The following DENND1B variants were observed in gnomAD, a reference collection of about 807,000 sequenced individuals.
DENND1B encodes DENN domain containing 1B, also known as DENN domain-containing protein 1B.
DENND1B carries 59 observed loss-of-function variants against 90.1 expected under a neutral mutation model. That is an observed-to-expected ratio of 0.65 (90% confidence interval 0.53 to 0.81). The LOEUF (loss-of-function observed/expected upper bound fraction) is 0.81. Among genes scored for constraint, DENND1B ranks in the 40% least tolerant of loss-of-function variants. DENND1B has a pLI of 0.00. For missense variants in DENND1B, 862 were observed against 912.6 expected (o/e 0.94, Z 0.71); for synonymous variants, 337 against 324.6 (o/e 1.04, Z -0.41).
At chr1:197,542,914 C>CA in intron 18 of DENND1B, among the ~76,000 whole-genome samples, 1 of 123,440 alleles carries the variant, frequency 8.1e-6, no homozygotes, top group Non-Finnish European at 1.7e-5. Flanking sequence ...GAGTAGAAAC[C>CA]TTTTTTATTT....
At position 197,583,270 on chromosome 1, in the gene DENND1B, A is replaced by C; in HGVS notation, c.1048-17T>G. ...GGGCTCACCCTAGATAGAAATAAAG[A>C]TTTTAAGGGCATCAATAAAAGGTTA... On this transcript the variant is annotated splice_polypyrimidine_tract_variant and intron_variant, in intron 14 of 22. Coordinates refer to ENST00000620048, the MANE Select transcript of DENND1B (RefSeq NM_001195215.2). The C allele has an allele frequency of 6.2e-7, 1 of 1,610,444 alleles. No homozygotes were observed. Among genetic ancestry groups the C allele is most frequent in the Non-Finnish European group, 8.5e-7 (1 of 1,177,016 alleles).
At chr1:197,707,847 G>C (rs1386289485) in intron 3 of DENND1B, among the ~76,000 whole-genome samples, 297 of 147,668 alleles carry the variant, frequency 2.0e-3, no homozygotes, top group Middle Eastern at 3.5e-3. Context: ...GTGCCAGACA[G>C]TGGGCGCAGG....
chr1:197,658,198 T>TTGATGTC, intron 6 of DENND1B, 102 bp downstream of exon 6: 2 of 897,802 alleles, frequency 2.2e-6, no homozygotes, highest in Non-Finnish European at 3.6e-6. Flanking sequence ...AACATTAATG[T>TTGATGTC]ACTTAATGTC....
intron 2 of DENND1B, chr1:197,735,318 T>C (rs1662540402): frequency 8.0e-7 from 1 of 1,256,032 alleles, no homozygotes; most frequent in Non-Finnish European, 1.0e-6. Context: ...CTGCTTCAAG[T>C]GGTTTTATTT....
rs77243765 is a variant in DENND1B at position 197,539,864 on chromosome 1, T to A, written c.1515+100A>T. The A allele has an allele frequency of 6.3e-3, 6,249 of 993,978 alleles. 40 individuals are homozygous for A. The highest frequency in any genetic ancestry group is 8.2e-3 in the Non-Finnish European group (5,381 of 660,158). 61.6% of individuals were successfully genotyped at this position (993,978 alleles called of 1,614,324 possible). ...TTGACCAATACTGCAGGTTTTCATA[T>A]AAGATAAAAAATTAGTGGATCCAAA... is the stretch of plus-strand genomic sequence containing the variant. On this transcript the variant is annotated intron_variant, in intron 20 of 22. Coordinates refer to ENST00000620048, the MANE Select transcript of DENND1B (RefSeq NM_001195215.2).
intron 3 of DENND1B, among the ~76,000 whole-genome samples, chr1:197,690,975 A>G (rs1160185820): frequency 1.3e-5 from 2 of 152,038 alleles, no homozygotes; most frequent in African/African-American, 4.8e-5. Context: ...TAAAGCTCTT[A>G]GAAGAAAACA....
chr1:197,580,160 T>C (rs1447902631), intron 15 of DENND1B, among the ~76,000 whole-genome samples: 1 of 138,784 alleles, frequency 7.2e-6, no homozygotes, highest in Non-Finnish European at 1.5e-5. Flanking sequence ...TGGTGCAATC[T>C]CAGTCACTGC....
chr1:197,692,473 T>C (rs1201254173), intron 3 of DENND1B, among the ~76,000 whole-genome samples: 2 of 151,846 alleles, frequency 1.3e-5, no homozygotes, highest in African/African-American at 2.4e-5. Flanking sequence ...TCCAACCACA[T>C]GAAATTAGCA....
chr1:197,766,421 C>T (rs145456171), intron 2 of DENND1B, among the ~76,000 whole-genome samples: 2,140 of 152,304 alleles, frequency 0.014, 27 homozygotes, highest in Non-Finnish European at 0.021. Context: ...ACCTCCTAAA[C>T]TACTTTATTA....
intron 2 of DENND1B, chr1:197,747,410 A>G (rs1376800158): frequency 6.8e-6 from 3 of 442,236 alleles, no homozygotes; most frequent in Non-Finnish European, 1.3e-5. Flanking sequence ...TTCACTCAAC[A>G]TCACTTTCAT....
intron 7 of DENND1B, among the ~76,000 whole-genome samples, chr1:197,649,345 T>C (rs904492435): frequency 3.3e-5 from 5 of 152,184 alleles, no homozygotes; most frequent in African/African-American, 1.2e-4. Flanking sequence ...TGACAGTCTT[T>C]TGTAGAAATG....
At chr1:197,707,903 T>C (rs554917838) in intron 3 of DENND1B, among the ~76,000 whole-genome samples, 16 of 151,040 alleles carry the variant, frequency 1.1e-4, no homozygotes, top group African/African-American at 3.4e-4. Flanking sequence ...GGGCGAGGCA[T>C]TGCCTCACCT....
At chr1:197,668,415 T>C (rs1572255671) in intron 5 of DENND1B, among the ~76,000 whole-genome samples, 1 of 151,136 alleles carries the variant, frequency 6.6e-6, no homozygotes, top group African/African-American at 2.4e-5. Context: ...AGAGAGGAGG[T>C]TACAAAATGT....
At chr1:197,674,262 A>G (rs1655825944) in intron 3 of DENND1B, 93 bp from the exon 4 acceptor site, 1 of 882,816 alleles carries the variant, frequency 1.1e-6, no homozygotes, top group Admixed American at 2.6e-5. Flanking sequence ...TAGGAGAAAA[A>G]GATGCTTTCT....
intron 12 of DENND1B, among the ~76,000 whole-genome samples, chr1:197,610,108 C>G (rs1432661442): frequency 6.6e-6 from 1 of 150,686 alleles, no homozygotes; most frequent in Non-Finnish European, 1.5e-5. Context: ...TATAGCTTCT[C>G]ATTCACTAAT....
intron 5 of DENND1B, among the ~76,000 whole-genome samples, chr1:197,665,352 T>G (rs1007351723): frequency 6.6e-6 from 1 of 152,182 alleles, no homozygotes; most frequent in Non-Finnish European, 1.5e-5. Context: ...TATAATAGCA[T>G]CATCCAGGAG....
At chr1:197,750,122 T>C (rs913778058) in intron 2 of DENND1B, among the ~76,000 whole-genome samples, 5 of 152,158 alleles carry the variant, frequency 3.3e-5, no homozygotes, top group African/African-American at 4.8e-5. Context: ...GCTGAGACTA[T>C]AGGCGTGAGC....
At chr1:197,529,287 T>C (rs1669437938) in intron 20 of DENND1B, among the ~76,000 whole-genome samples, 1 of 147,284 alleles carries the variant, frequency 6.8e-6, no homozygotes. Context: ...TATATGTATA[T>C]ATATGTATAT....
At chr1:197,681,657 T>C (rs2126000235) in intron 3 of DENND1B, among the ~76,000 whole-genome samples, 2 of 152,316 alleles carry the variant, frequency 1.3e-5, no homozygotes, top group Middle Eastern at 3.4e-3. Flanking sequence ...ATCCTTTTTC[T>C]ATCATTGCCT....
Sources: gnomAD v4.1 joint callset for allele counts (sites outside exome capture counted in the v4.1 genomes callset) on GRCh38, gnomAD v4.1.1 for gene constraint, MANE v1.5 for transcripts, NCBI Gene and HGNC (gene_info 2026-07-23, HGNC 2026-07-21) for gene names.